Variants in FBXL13 observed in about 807,000 individuals in gnomAD.
The protein encoded by FBXL13 is F-box and leucine rich repeat protein 13.
FBXL13 carries 67 observed loss-of-function variants against 83.6 expected under a neutral mutation model. That is an observed-to-expected ratio of 0.80 (90% confidence interval 0.66 to 0.98). The LOEUF (loss-of-function observed/expected upper bound fraction) is 0.98. Ranked by LOEUF, FBXL13 falls within the 50% of genes least tolerant of loss-of-function variation. FBXL13 has a pLI of 0.00. For missense variants in FBXL13, 822 were observed against 866.5 expected (o/e 0.95, Z 0.64); for synonymous variants, 272 against 299.5 (o/e 0.91, Z 0.95).
Position 102,924,162 on chromosome 7 carries a change from T to C in FBXL13, c.878+2112A>G, listed in dbSNP as rs147404049. Among the ~76,000 whole-genome samples the C allele has an allele frequency of 3.8e-3, 559 of 148,922 alleles. 5 individuals carry two copies. Among genetic ancestry groups the C allele is most frequent in the African/African-American group, 0.014 (551 of 40,280 alleles). The stretch of plus-strand genomic sequence containing the variant: ...CTGAGGCAGGAGAATTGCTTGAACC[T>C]GGGAGGCGAAGGTTGCGGTGAGCTG... On this transcript the variant is annotated intron_variant, in intron 10 of 19. Coordinates refer to ENST00000313221, the Ensembl canonical transcript of FBXL13.
chr7:102,818,953 A>G (rs1005705395), intron 19 of FBXL13, among the ~76,000 whole-genome samples: 5 of 150,790 alleles, frequency 3.3e-5, no homozygotes, highest in African/African-American at 1.2e-4. Flanking sequence ...CCCTCCTCCC[A>G]CCCTCCACCC....
At chr7:103,016,317 T>TG (rs201076740) in intron 6 of FBXL13, among the ~76,000 whole-genome samples, 4,446 of 46,150 alleles carry the variant, frequency 0.096, 113 homozygotes, top group African/African-American at 0.11. Context: ...AACAGAAATG[T>TG]GGGGGGGGTG....
At chr7:102,960,460 G>C (rs1825003224) in intron 8 of FBXL13, among the ~76,000 whole-genome samples, 1 of 151,960 alleles carries the variant, frequency 6.6e-6, no homozygotes, top group Non-Finnish European at 1.5e-5. Context: ...TAGAAAAAGA[G>C]GGAATCCTCC....
chr7:102,985,365 A>G (rs866015441), intron 6 of FBXL13, among the ~76,000 whole-genome samples: 5 of 152,190 alleles, frequency 3.3e-5, no homozygotes, highest in African/African-American at 1.2e-4. Context: ...CTCCTGAGTG[A>G]GCTTCCAACC....
At chr7:102,939,946 T>C (rs1203186649) in intron 8 of FBXL13, among the ~76,000 whole-genome samples, 1 of 152,020 alleles carries the variant, frequency 6.6e-6, no homozygotes, top group African/African-American at 2.4e-5. Flanking sequence ...CCAGACTGGA[T>C]TGCAATGGTG....
At chr7:102,877,371 A>G in intron 16 of FBXL13, 96 bp downstream of exon 17, 1 of 1,058,704 alleles carries the variant, frequency 9.4e-7, no homozygotes, top group Non-Finnish European at 1.3e-6. Context: ...AATAACAAAT[A>G]AAACATATTA....
chr7:103,069,457 G>A (rs2129505014), intron 1 of FBXL13, among the ~76,000 whole-genome samples: 1 of 152,310 alleles, frequency 6.6e-6, no homozygotes, highest in Non-Finnish European at 1.5e-5. Flanking sequence ...TGAGGGCCTA[G>A]AAGGGAAACT....
intron 9 of FBXL13, among the ~76,000 whole-genome samples, chr7:102,927,179 A>C (rs1043852223): frequency 1.3e-5 from 2 of 152,244 alleles, no homozygotes; most frequent in Non-Finnish European, 2.9e-5. Flanking sequence ...CTTTTTGTAT[A>C]GGTAACACTA....
At chr7:103,065,311 A>G (rs1383361343) in intron 1 of FBXL13, among the ~76,000 whole-genome samples, 4 of 152,238 alleles carry the variant, frequency 2.6e-5, no homozygotes, top group East Asian at 1.9e-4. Context: ...TATCATCTAT[A>G]TATCTACCCA....
At chr7:102,936,154 T>C (rs531605721) in intron 8 of FBXL13, 1 of 151,176 alleles carries the variant, frequency 6.6e-6, no homozygotes, top group African/African-American at 2.4e-5. Flanking sequence ...TTCAGTGCCA[T>C]AGGAAAGCAG....
chr7:102,822,303 C>G, intron 18 of FBXL13, 100 bp from the exon 20 acceptor site: 1 of 1,118,790 alleles, frequency 8.9e-7, no homozygotes, highest in Non-Finnish European at 1.3e-6. Flanking sequence ...CTACCACAGA[C>G]TGTGGCTTAA....
chr7:103,074,715 T>C (rs1471096210), upstream of FBXL13: 2 of 1,289,714 alleles, frequency 1.6e-6, no homozygotes, highest in Admixed American at 2.3e-5. Flanking sequence ...CTGAGGAATG[T>C]AGTTCTCCTT....
At chr7:103,014,430 T>A (rs1792010640) in intron 6 of FBXL13, among the ~76,000 whole-genome samples, 1 of 152,188 alleles carries the variant, frequency 6.6e-6, no homozygotes, top group South Asian at 2.1e-4. Context: ...CACAGCTGAA[T>A]TCTATCAGAT....
chr7:102,941,896 A>G (rs1821529371), intron 8 of FBXL13, among the ~76,000 whole-genome samples: 1 of 152,220 alleles, frequency 6.6e-6, no homozygotes, highest in South Asian at 2.1e-4. Flanking sequence ...AAAGAGATAG[A>G]TAATAGTGTA....
At chr7:103,052,574 C>A (rs570190858) in intron 2 of FBXL13, among the ~76,000 whole-genome samples, 1 of 152,292 alleles carries the variant, frequency 6.6e-6, no homozygotes, top group Admixed American at 6.5e-5. Flanking sequence ...CTAACCTTAA[C>A]AAATATTTTC....
intron 18 of FBXL13, among the ~76,000 whole-genome samples, chr7:102,825,417 A>G (rs1219102543): frequency 1.3e-5 from 2 of 152,174 alleles, no homozygotes; most frequent in Non-Finnish European, 2.9e-5. Flanking sequence ...TTGCCTTGGA[A>G]TTCTGCAGAG....
chr7:102,979,529 A>T (rs1827930483), intron 6 of FBXL13, among the ~76,000 whole-genome samples: 1 of 152,180 alleles, frequency 6.6e-6, no homozygotes, highest in African/African-American at 2.4e-5. Context: ...ACATCTTTGT[A>T]GGGGGTGGGG....
chr7:102,883,567 C>A lies in FBXL13; in HGVS notation c.1225+1G>T. On this transcript the variant is annotated splice_donor_variant, in intron 13 of 19. Transcript: ENST00000313221. LOFTEE classifies it high-confidence loss of function. Reference sequence around the variant, plus strand: ...TGAACCACATTTTTAATATAACAGACCTTCAAATCGGATCTTTCTGAGTTT... The same window carrying A: ...TGAACCACATTTTTAATATAACAGAACTTCAAATCGGATCTTTCTGAGTTT... 1 of 1,602,402 alleles carries A rather than the reference C, an allele frequency of 6.2e-7. No homozygotes were observed. Among genetic ancestry groups the A allele is most frequent in the South Asian group, 1.1e-5 (1 of 90,252 alleles).
chr7:102,861,104 G>C (rs559912940), intron 16 of FBXL13, among the ~76,000 whole-genome samples: 1 of 151,710 alleles, frequency 6.6e-6, no homozygotes, highest in Non-Finnish European at 1.5e-5. Context: ...CATCTCCTTA[G>C]GAATAACGAC....
Sources: gnomAD v4.1 joint callset for allele counts (sites outside exome capture counted in the v4.1 genomes callset) on GRCh38, gnomAD v4.1.1 for gene constraint, MANE v1.5 for transcripts, NCBI Gene and HGNC (gene_info 2026-07-23, HGNC 2026-07-21) for gene names.